KLF6: variants seen among roughly 807,000 people sequenced by gnomAD.
The protein encoded by KLF6 is Krueppel-like factor 6.
For missense variants in KLF6, 233 were observed against 359.8 expected (o/e 0.65, Z 2.85); for synonymous variants, 152 against 147.9 (o/e 1.03, Z -0.20).
chr10:3,779,315 T>C lies in KLF6; in HGVS notation c.*224A>G, dbSNP rs1410278491. On this transcript the variant is annotated 3_prime_UTR_variant, in exon 4 of 4. Coordinates refer to ENST00000497571, the MANE Select transcript of KLF6 (RefSeq NM_001300.6). ...CTTAGGCGCCGCTCGGAAGGGCGGG[T>C]ACCAGTGGCGAGTCCAGGGTCACCC... The C allele has an allele frequency of 1.5e-6, 1 of 669,552 alleles. No individual in the cohort carries two copies. Among genetic ancestry groups the C allele is most frequent in the South Asian group, 1.5e-5 (1 of 66,358 alleles). The allele number at this position is 669,552 out of a possible 1,614,324, so 41.5% of individuals were successfully genotyped here.
At position 3,780,329 on chromosome 10, in the gene KLF6, G is replaced by A; in HGVS notation, c.677-100C>T. On this transcript the variant is annotated intron_variant, in intron 2 of 3. Coordinates refer to ENST00000497571, the MANE Select transcript of KLF6 (RefSeq NM_001300.6). This position sits in a 1 kb window ranked among gnomAD's most constrained non-coding sequence, Gnocchi z 4.6. ...ACACAGTGGTGGGATGCAAGGCCAG[G>A]GACCCAGTGGCTTCTGGCATCGGTA... is the stretch of plus-strand genomic sequence containing the variant. 1.4e-6 allele frequency: 2 copies of A among 1,443,306 alleles called. No individual in the cohort carries two copies. Among genetic ancestry groups the A allele is most frequent in the Admixed American group, 1.7e-5 (1 of 59,684 alleles). 89.4% of individuals were successfully genotyped at this position (1,443,306 alleles called of 1,614,324 possible). A position where few individuals can be genotyped will look rare whatever the true frequency, so the allele number is the denominator to read the frequency against.
intron 3 of KLF6, 77 bp from the exon 4 acceptor site, chr10:3,779,667 T>A: frequency 1.5e-6 from 2 of 1,330,916 alleles, no homozygotes; most frequent in Non-Finnish European, 2.2e-6. Context: ...CGCCCTCACC[T>A]CCCTGCCCTG....
chr10:3,778,876 C>T lies in KLF6; in HGVS notation c.*663G>A. On this transcript the variant is annotated 3_prime_UTR_variant, in exon 4 of 4. Transcript: ENST00000497571. ...ATGTTGTAGCGTGTAAAACAAGCTACTTGACACATTGCACATTTAATAGCT... is the reference window on the plus strand; with the variant it reads ...ATGTTGTAGCGTGTAAAACAAGCTATTTGACACATTGCACATTTAATAGCT... The T allele has an allele frequency of 1.9e-6, 1 of 534,280 alleles. No homozygotes were observed. Among genetic ancestry groups the T allele is most frequent in the Non-Finnish European group, 3.6e-6 (1 of 276,350 alleles). The allele number at this position is 534,280 out of a possible 1,614,324, so 33.1% of individuals were successfully genotyped here.
intron 1 of KLF6, chr10:3,783,296 T>C (rs888980347): frequency 5.3e-5 from 8 of 152,194 alleles, no homozygotes; most frequent in Middle Eastern, 3.4e-3. Context: ...AAAAGAAAAA[T>C]GGTAGGAAAC....
chr10:3,780,256 C>T lies in KLF6; in HGVS notation c.677-27G>A. ...TGGGGAGAGAGCACAGGACAAGCAG[C>T]CCATGACTTCACTGACCCGCAGACG... On this transcript the variant is annotated intron_variant, in intron 2 of 3. Coordinates refer to ENST00000497571, the MANE Select transcript of KLF6 (RefSeq NM_001300.6). The surrounding 1 kb of genome is among the most constrained non-coding windows in gnomAD (Gnocchi z 4.6). The T allele has an allele frequency of 6.2e-7, 1 of 1,612,310 alleles. No individual in the cohort carries two copies. Among genetic ancestry groups the T allele is most frequent in the South Asian group, 1.1e-5 (1 of 91,086 alleles).
Position 3,776,406 on chromosome 10 carries a change from G to A in KLF6, c.*3133C>T, listed in dbSNP as rs911059059. 3 of 531,980 alleles carry A rather than the reference G, an allele frequency of 5.6e-6. No homozygotes were observed. The highest frequency in any genetic ancestry group is 5.6e-5 in the African/African-American group (3 of 53,668). The allele number at this position is 531,980 out of a possible 1,614,324, so 33.0% of individuals were successfully genotyped here. On this transcript the variant is annotated 3_prime_UTR_variant, in exon 4 of 4. Transcript: ENST00000497571. ...TCCTCTCCAGCTCCCAGGACAGGCTGTGGAAAGAGGAAGGGGCTGAGGTCG... is the reference window on the plus strand; with the variant it reads ...TCCTCTCCAGCTCCCAGGACAGGCTATGGAAAGAGGAAGGGGCTGAGGTCG...
At position 3,781,489 on chromosome 10, in the gene KLF6, A is replaced by G. The variant is rs550421258; in HGVS notation, c.676+152T>C. 4.6e-5 allele frequency: 72 copies of G among 1,551,014 alleles called. No individual in the cohort carries two copies. In the Admixed American group the frequency reaches 1.2e-3, roughly 26 times the overall value. On this transcript the variant is annotated intron_variant, in intron 2 of 3. Transcript: ENST00000497571. The surrounding 1 kb of genome is among the most constrained non-coding windows in gnomAD (Gnocchi z 5.8). ...TAGGATTCTACTCTGAACTCCAAAA[A>G]GACCTAATGCTTTGGTGGAAAACAT...
At position 3,778,368 on chromosome 10, in the gene KLF6, T is replaced by C. The variant is rs1003237825; in HGVS notation, c.*1171A>G. On this transcript the variant is annotated 3_prime_UTR_variant, in exon 4 of 4. Coordinates refer to ENST00000497571, the MANE Select transcript of KLF6 (RefSeq NM_001300.6). ...CCTCAAGGCATAAATAAGAGAAACA[T>C]AGCTGCATGAGAAAACAGTTTCTAA... 1.9e-6 allele frequency: 1 copy of C among 524,146 alleles called. No homozygotes were observed. Among genetic ancestry groups the C allele is most frequent in the Admixed American group, 2.2e-5 (1 of 44,654 alleles). 32.5% of individuals were successfully genotyped at this position (524,146 alleles called of 1,614,324 possible). A position where few individuals can be genotyped will look rare whatever the true frequency, so the allele number is the denominator to read the frequency against.
rs541557967 is a variant in KLF6, at chr10:3,777,212, A to G, written c.*2327T>C. The G allele has an allele frequency of 8.9e-5, 46 of 517,152 alleles. No individual in the cohort carries two copies. Among genetic ancestry groups the G allele is most frequent in the Non-Finnish European group, 5.6e-5 (15 of 265,568 alleles). 32.0% of individuals were successfully genotyped at this position (517,152 alleles called of 1,614,324 possible). The stretch of plus-strand genomic sequence containing the variant: ...AAAATACCAGCCCAGCCAGACTCAC[A>G]TGTGTGTATATATATATAAAGCAAA... On this transcript the variant is annotated 3_prime_UTR_variant, in exon 4 of 4. Coordinates refer to ENST00000497571, the MANE Select transcript of KLF6 (RefSeq NM_001300.6).
rs1454204421 is a variant in KLF6, at chr10:3,776,328, T to C, written c.*3211A>G. ...GCCGGGGGGTTGTTTTTGTCAGTCC[T>C]TGGAGAAGAGTATTTGATGCATTCA... On this transcript the variant is annotated 3_prime_UTR_variant, in exon 4 of 4. Coordinates refer to ENST00000497571, the MANE Select transcript of KLF6 (RefSeq NM_001300.6). 2 of 532,606 alleles carry C rather than the reference T, an allele frequency of 3.8e-6. No individual in the cohort carries two copies. The highest frequency in any genetic ancestry group is 4.4e-5 in the Admixed American group (2 of 44,950). The allele number at this position is 532,606 out of a possible 1,614,324, so 33.0% of individuals were successfully genotyped here.
Position 3,781,937 on chromosome 10 carries a change from G to A in KLF6, c.380C>T (p.Ser127Phe). The change falls in exon 2 of 4, where the codon TCC (serine) becomes TTC (phenylalanine). Residue 127 changes from serine (S) to phenylalanine (F), a missense_variant. Physicochemically the swap from Ser to Phe is radical, Grantham distance 155. Transcript: ENST00000497571. This position sits in a 1 kb window ranked among gnomAD's most constrained non-coding sequence, Gnocchi z 5.8. ...GACCAAAACTTCGCCAATGGGGTCG[G>A]AGGTAAACTTGGCCGTGGGAGAAAG... ...EELSPTAKFT[S>F]DPIGEVLVSS... is the part of the protein sequence containing the mutation. 2 of 1,614,252 alleles carry A rather than the reference G, an allele frequency of 1.2e-6. No homozygotes were observed. Among genetic ancestry groups the A allele is most frequent in the Non-Finnish European group, 1.7e-6 (2 of 1,180,048 alleles).
Position 3,776,484 on chromosome 10 carries a change from G to A in KLF6, c.*3055C>T. The A allele has an allele frequency of 1.9e-6, 1 of 531,098 alleles. No individual in the cohort carries two copies. The highest frequency in any genetic ancestry group is 3.6e-6 in the Non-Finnish European group (1 of 274,340). 32.9% of individuals were successfully genotyped at this position (531,098 alleles called of 1,614,324 possible). A position where few individuals can be genotyped will look rare whatever the true frequency, so the allele number is the denominator to read the frequency against. ...AAGATTTGCCCCCAGGAGGAAGCCAGGGTGATGAATGCAGGAGGAATCTGT... is the reference window on the plus strand; with the variant it reads ...AAGATTTGCCCCCAGGAGGAAGCCAAGGTGATGAATGCAGGAGGAATCTGT... On this transcript the variant is annotated 3_prime_UTR_variant, in exon 4 of 4. Coordinates refer to ENST00000497571, the MANE Select transcript of KLF6 (RefSeq NM_001300.6).
chr10:3,781,362 T>G lies in KLF6; in HGVS notation c.676+279A>C. ...TCGGATCCCCAGCACTACTAAGGGG[T>G]GGGGGGTGGAGGTTTGGGTGTCCGT... is the stretch of plus-strand genomic sequence containing the variant. On this transcript the variant is annotated intron_variant, in intron 2 of 3. Transcript: ENST00000497571. This position sits in a 1 kb window ranked among gnomAD's most constrained non-coding sequence, Gnocchi z 5.8. The G allele has an allele frequency of 5.0e-6, 7 of 1,394,596 alleles. No individual in the cohort carries two copies. The highest frequency in any genetic ancestry group is 6.6e-6 in the Non-Finnish European group (7 of 1,053,852). 86.4% of individuals were successfully genotyped at this position (1,394,596 alleles called of 1,614,324 possible).
rs1243414066 is a variant in KLF6, at chr10:3,778,083, A to T, written c.*1456T>A. 5.8e-6 allele frequency: 3 copies of T among 516,064 alleles called. No individual in the cohort carries two copies. Among genetic ancestry groups the T allele is most frequent in the Non-Finnish European group, 1.1e-5 (3 of 264,842 alleles). The allele number at this position is 516,064 out of a possible 1,614,324, so 32.0% of individuals were successfully genotyped here. ...TTTCCTGTTTTCCATTTTAACACTG[A>T]CAGTCAAGTTGCCTAAAGTGTTGAA... On this transcript the variant is annotated 3_prime_UTR_variant, in exon 4 of 4. Transcript: ENST00000497571.
chr10:3,778,410 C>A lies in KLF6; in HGVS notation c.*1129G>T, dbSNP rs1257031668. On this transcript the variant is annotated 3_prime_UTR_variant, in exon 4 of 4. Coordinates refer to ENST00000497571, the MANE Select transcript of KLF6 (RefSeq NM_001300.6). ...AGTTTCTAAGCGTTAGTGGTTTTATCCACCCAACTGAGAAAAATTTTAGGT... is the reference window on the plus strand; with the variant it reads ...AGTTTCTAAGCGTTAGTGGTTTTATACACCCAACTGAGAAAAATTTTAGGT... 1.9e-6 allele frequency: 1 copy of A among 525,490 alleles called. No individual in the cohort carries two copies. The highest frequency in any genetic ancestry group is 3.7e-6 in the Non-Finnish European group (1 of 270,728). 32.6% of individuals were successfully genotyped at this position (525,490 alleles called of 1,614,324 possible).
Position 3,781,435 on chromosome 10 carries a change from AC to A in KLF6, c.676+205del, listed in dbSNP as rs1832516809. ...GTTTGTTTAATCTGAAAATTGTTAC[AC>A]ATTTATCCAACTCAAAAGTCCAGTC... is the stretch of plus-strand genomic sequence containing the variant. On this transcript the variant is annotated intron_variant, in intron 2 of 3. Coordinates refer to ENST00000497571, the MANE Select transcript of KLF6 (RefSeq NM_001300.6). The surrounding 1 kb of genome is among the most constrained non-coding windows in gnomAD (Gnocchi z 5.8). 6.6e-7 allele frequency: 1 copy of A among 1,515,232 alleles called. No individual in the cohort carries two copies. Among genetic ancestry groups the A allele is most frequent in the Non-Finnish European group, 8.8e-7 (1 of 1,130,158 alleles). The allele number at this position is 1,515,232 out of a possible 1,614,324, so 93.9% of individuals were successfully genotyped here.
chr10:3,785,022 C>T lies in KLF6; in HGVS notation c.-8G>A. On this transcript the variant is annotated 5_prime_UTR_variant, in exon 1 of 4. Transcript: ENST00000497571. ...CATGGGGAGCACGTCCATGTCGGGC[C>T]GGGTTGGACGGAGCCCGCGGTCGCG... 1 of 1,610,464 alleles carries T rather than the reference C, an allele frequency of 6.2e-7. No individual in the cohort carries two copies. Among genetic ancestry groups the T allele is most frequent in the Non-Finnish European group, 8.5e-7 (1 of 1,178,084 alleles).
rs766519239 is a variant in KLF6 at position 3,776,104 on chromosome 10, GA to G, written c.*3434del. On this transcript the variant is annotated 3_prime_UTR_variant, in exon 4 of 4. Coordinates refer to ENST00000497571, the MANE Select transcript of KLF6 (RefSeq NM_001300.6). ...CCCTCTGCCTCCTCCACCCCTCCCAGACATGCCTCAGCCAGGTGTGTGGCAG... is the reference window on the plus strand; with the variant it reads ...CCCTCTGCCTCCTCCACCCCTCCCAGCATGCCTCAGCCAGGTGTGTGGCAG... 1 of 530,054 alleles carries G rather than the reference GA, an allele frequency of 1.9e-6. No individual in the cohort carries two copies. Among genetic ancestry groups the G allele is most frequent in the South Asian group, 1.5e-5 (1 of 65,112 alleles). 32.8% of individuals were successfully genotyped at this position (530,054 alleles called of 1,614,324 possible).
rs762654746 is a variant in KLF6 at position 3,776,233 on chromosome 10, G to A, written c.*3306C>T. 1 of 531,340 alleles carries A rather than the reference G, an allele frequency of 1.9e-6. No homozygotes were observed. The highest frequency in any genetic ancestry group is 1.5e-5 in the South Asian group (1 of 65,072). The allele number at this position is 531,340 out of a possible 1,614,324, so 32.9% of individuals were successfully genotyped here. A position where few individuals can be genotyped will look rare whatever the true frequency, so the allele number is the denominator to read the frequency against. ...CACTCAAGTTTGTCGTTGTGCAGGTGCCTCTGCAATGCATTCCCTGGCTTG... is the reference window on the plus strand; with the variant it reads ...CACTCAAGTTTGTCGTTGTGCAGGTACCTCTGCAATGCATTCCCTGGCTTG... On this transcript the variant is annotated 3_prime_UTR_variant, in exon 4 of 4. Coordinates refer to ENST00000497571, the MANE Select transcript of KLF6 (RefSeq NM_001300.6).
Sources: allele counts gnomAD v4.1 joint callset, GRCh38; gene constraint gnomAD v4.1.1; non-coding constraint Gnocchi (gnomAD v3.1); transcripts MANE v1.5; gene names NCBI Gene and HGNC (gene_info 2026-07-23, HGNC 2026-07-21).